The following ADCY8 variants were observed in gnomAD, a reference collection of about 807,000 sequenced individuals.
The protein encoded by ADCY8 is adenylate cyclase type 8.
Under a neutral mutation model 119.7 loss-of-function variants are expected in ADCY8, and 51 were observed. That is an observed-to-expected ratio of 0.43 (90% CI 0.34 to 0.54). The LOEUF is 0.54. ADCY8 is among the 20% of genes least tolerant of loss of function. The pLI is 0.03. For missense variants in ADCY8, 1,383 were observed against 1,598.8 expected (o/e 0.87, Z 2.30); for synonymous variants, 665 against 651.0 (o/e 1.02, Z -0.33).
chr8:130,979,613 G>A (rs1230013681), intron 2 of ADCY8, among the ~76,000 whole-genome samples: 5 of 152,188 alleles, frequency 3.3e-5, no homozygotes, highest in Non-Finnish European at 7.3e-5. Context: ...GGTTATATGG[G>A]CTCTGGAGAA....
Position 130,884,670 on chromosome 8 carries a change from T to C in ADCY8, c.2003A>G (p.Asn668Ser). Residue 668 changes from asparagine (N) to serine (S), a missense_variant, in exon 8 of 18, where the codon AAC (asparagine) becomes AGC (serine). This residue lies in a region of ADCY8 where 928 missense variants were observed against 1,163.5 expected (regional missense o/e 0.80). Coordinates refer to ENST00000286355, the MANE Select transcript of ADCY8 (RefSeq NM_001115.3). ...LHVQSGPEEINKRIEHTIDLR... is the reference protein window; with the variant it reads ...LHVQSGPEEISKRIEHTIDLR... ...GTCGATGGTATGTTCTATTCTCTTG[T>C]TAATTTCCTCAGGCCCAGACTGGAC... 1.2e-6 allele frequency: 2 copies of C among 1,613,916 alleles called. No homozygotes were observed. Among genetic ancestry groups the C allele is most frequent in the Non-Finnish European group, 1.7e-6 (2 of 1,179,842 alleles).
chr8:131,011,819 AG>A (rs1397146196), intron 1 of ADCY8, among the ~76,000 whole-genome samples: 2 of 152,120 alleles, frequency 1.3e-5, no homozygotes, highest in African/African-American at 2.4e-5. Flanking sequence ...GCTGATGCCC[AG>A]GTAGAATGCA....
At chr8:130,893,508 T>A (rs1819263778) in intron 7 of ADCY8, among the ~76,000 whole-genome samples, 1 of 152,184 alleles carries the variant, frequency 6.6e-6, no homozygotes, top group Non-Finnish European at 1.5e-5. Context: ...CACTATCCCA[T>A]TGACTGAATG....
intron 1 of ADCY8, among the ~76,000 whole-genome samples, chr8:131,009,722 T>C (rs1823240586): frequency 6.6e-6 from 1 of 152,204 alleles, no homozygotes; most frequent in African/African-American, 2.4e-5. Context: ...AATCTGTAGA[T>C]GGTAGGGAAT....
intron 14 of ADCY8, among the ~76,000 whole-genome samples, chr8:130,809,842 G>T (rs1335960955): frequency 6.6e-6 from 1 of 152,246 alleles, no homozygotes; most frequent in Non-Finnish European, 1.5e-5. Context: ...GGCACTGATG[G>T]CTTTCAGCAT....
chr8:130,931,407 G>T (rs993997796), intron 5 of ADCY8, among the ~76,000 whole-genome samples: 2 of 152,092 alleles, frequency 1.3e-5, no homozygotes, highest in Admixed American at 1.3e-4. Flanking sequence ...TGATTATTAT[G>T]TTTCTTTGGC....
chr8:131,007,039 C>T (rs1823141277), intron 1 of ADCY8, among the ~76,000 whole-genome samples: 1 of 151,272 alleles, frequency 6.6e-6, no homozygotes, highest in Non-Finnish European at 1.5e-5. Flanking sequence ...GATAAACCAT[C>T]TGGCAAACAG....
At chr8:131,012,489 G>T (rs1455058529) in intron 1 of ADCY8, among the ~76,000 whole-genome samples, 1 of 152,202 alleles carries the variant, frequency 6.6e-6, no homozygotes, top group East Asian at 1.9e-4. Context: ...TAGAGGAACA[G>T]CTCTCAGAAA....
intron 9 of ADCY8, among the ~76,000 whole-genome samples, chr8:130,851,421 G>A (rs1817523861): frequency 6.6e-6 from 1 of 152,140 alleles, no homozygotes; most frequent in Admixed American, 6.5e-5. Context: ...AAAGAGTGGG[G>A]AGCATGAGCA....
intron 5 of ADCY8, among the ~76,000 whole-genome samples, chr8:130,932,541 G>T (rs895930978): frequency 2.0e-5 from 3 of 152,088 alleles, no homozygotes; most frequent in Admixed American, 1.3e-4. Flanking sequence ...TGGGATGGGG[G>T]AAGGATGATA....
intron 9 of ADCY8, among the ~76,000 whole-genome samples, chr8:130,858,844 C>T (rs183755823): frequency 2.0e-4 from 31 of 152,094 alleles, no homozygotes; most frequent in East Asian, 9.6e-4. Context: ...CTTTGGCCCT[C>T]GGGGGCTCTT....
intron 5 of ADCY8, among the ~76,000 whole-genome samples, chr8:130,915,190 A>G (rs1769192932): frequency 6.6e-6 from 1 of 152,238 alleles, no homozygotes; most frequent in African/African-American, 2.4e-5. Context: ...TCATGCAACA[A>G]TTAACAAACC....
intron 1 of ADCY8, among the ~76,000 whole-genome samples, chr8:131,019,322 G>A (rs1223827979): frequency 6.6e-6 from 1 of 152,208 alleles, no homozygotes; most frequent in African/African-American, 2.4e-5. Context: ...TTTAAAGGCT[G>A]TGGAAGCCAC....
Position 130,846,803 on chromosome 8 carries a change from CTTCCCTCCCCTCCCT to C in ADCY8, c.2502+606_2502+620del, listed in dbSNP as rs1467911056. Among the ~76,000 whole-genome samples the C allele has an allele frequency of 7.6e-4, 69 of 91,076 alleles. 4 individuals carry two copies. The highest frequency in any genetic ancestry group is 2.0e-3 in the South Asian group (3 of 1,532). The allele number at this position is 91,076 out of a possible 152,430, so 59.7% of individuals were successfully genotyped here. On this transcript the variant is annotated intron_variant, in intron 11 of 17. Transcript: ENST00000286355. ...CTCCTTCCTTCCTTCTCCTTCCTTC[CTTCCCTCCCCTCCCT>C]TTCCTTCCTTCCCTCCCCTCCCCTT...
At chr8:130,887,960 TG>T (rs529354047) in intron 7 of ADCY8, among the ~76,000 whole-genome samples, 195 of 152,272 alleles carry the variant, frequency 1.3e-3, no homozygotes, top group Non-Finnish European at 2.3e-3. Flanking sequence ...AGAGTCATAC[TG>T]GAATGAGCTA....
intron 2 of ADCY8, among the ~76,000 whole-genome samples, chr8:130,970,871 G>A (rs1427383580): frequency 6.6e-6 from 1 of 152,204 alleles, no homozygotes; most frequent in Non-Finnish European, 1.5e-5. Context: ...AATGAGAAAT[G>A]ACAGGGACCT....
intron 3 of ADCY8, among the ~76,000 whole-genome samples, chr8:130,950,343 A>G (rs900714892): frequency 1.3e-5 from 2 of 152,212 alleles, no homozygotes; most frequent in African/African-American, 4.8e-5. Context: ...TTGAGATGCA[A>G]AGAAGCAGCA....
At chr8:130,849,832 T>C (rs1817458727) in intron 9 of ADCY8, 29 bp from the exon 10 acceptor site, 2 of 1,587,222 alleles carry the variant, frequency 1.3e-6, no homozygotes, top group African/African-American at 1.3e-5. Context: ...TGTTGGGTCA[T>C]TGGCATCAAT....
intron 15 of ADCY8, among the ~76,000 whole-genome samples, chr8:130,794,563 A>G (rs1020054779): frequency 4.6e-5 from 7 of 152,208 alleles, no homozygotes; most frequent in East Asian, 1.9e-4. Flanking sequence ...AAAGACACCA[A>G]ATGTGTGGTA....
Sources: allele counts gnomAD v4.1 joint callset (sites outside exome capture counted in the v4.1 genomes callset), GRCh38; gene constraint gnomAD v4.1.1; regional missense constraint gnomAD v4.1.1; transcripts MANE v1.5; gene names NCBI Gene and HGNC (gene_info 2026-07-23, HGNC 2026-07-21).